Variants in WASHC5 observed in about 807,000 individuals in gnomAD.
WASHC5 encodes WASH complex subunit strumpellin.
WASHC5 carries 101 observed loss-of-function variants against 150.4 expected under a neutral mutation model. The ratio of observed to expected loss-of-function variants is 0.67; its 90% CI spans 0.57 to 0.79. WASHC5 has a LOEUF of 0.79. Among genes scored for constraint, WASHC5 ranks in the 30% least tolerant of loss-of-function variants. The probability of loss-of-function intolerance (pLI) is 0.00; values close to 1 mark genes in which losing one functional copy is unlikely to be tolerated. For synonymous variants in WASHC5, 467 were observed against 491.2 expected (o/e 0.95, Z 0.65); for missense variants, 1,195 against 1,396.3 (o/e 0.86, Z 2.30).
intron 12 of WASHC5, among the ~76,000 whole-genome samples, chr8:125,060,500 G>C (rs1013627553): frequency 6.8e-6 from 1 of 146,580 alleles, no homozygotes; most frequent in African/African-American, 2.6e-5. Flanking sequence ...AAAAAAAAAA[G>C]AGTTTATGAT....
intron 14 of WASHC5, among the ~76,000 whole-genome samples, chr8:125,058,915 T>G (rs1235290265): frequency 6.6e-6 from 1 of 152,126 alleles, no homozygotes; most frequent in African/African-American, 2.4e-5. Context: ...AATTCATGCC[T>G]AGGGAATAAA....
At position 125,083,969 on chromosome 8, in the gene WASHC5, ATAT is replaced by A. The variant is rs1817347925; in HGVS notation, c.-74_-72del. On this transcript the variant is annotated 5_prime_UTR_variant, in exon 2 of 29. Coordinates refer to ENST00000318410, the MANE Select transcript of WASHC5 (RefSeq NM_014846.4). ...AACTGGCCTCAGAGCTGGTGTCTGTATATTATTAGATGAAACCAGGTGTGCAGA... is the reference window on the plus strand; with the variant it reads ...AACTGGCCTCAGAGCTGGTGTCTGTATATTAGATGAAACCAGGTGTGCAGA... The A allele has an allele frequency of 1.4e-6, 2 of 1,398,410 alleles. No homozygotes were observed. Among genetic ancestry groups the A allele is most frequent in the Non-Finnish European group, 2.0e-6 (2 of 999,652 alleles). The allele number at this position is 1,398,410 out of a possible 1,614,324, so 86.6% of individuals were successfully genotyped here.
At chr8:125,043,569 C>A (rs1815958998) in intron 23 of WASHC5, among the ~76,000 whole-genome samples, 1 of 152,046 alleles carries the variant, frequency 6.6e-6, no homozygotes. Context: ...GCACCTCTAG[C>A]CAAAAGGCAT....
intron 17 of WASHC5, among the ~76,000 whole-genome samples, 172 bp downstream of exon 17, chr8:125,055,419 T>A (rs1197341527): frequency 3.3e-5 from 5 of 152,106 alleles, no homozygotes; most frequent in Admixed American, 3.3e-4. Context: ...AGAGAGAGAC[T>A]CTGTCTCAAA....
At chr8:125,060,763 T>C (rs996328393) in intron 12 of WASHC5, among the ~76,000 whole-genome samples, 1 of 152,184 alleles carries the variant, frequency 6.6e-6, no homozygotes, top group Non-Finnish European at 1.5e-5. Context: ...AAAAATGGTA[T>C]ACACATGCAA....
At chr8:125,047,152 T>C (rs1816091833) in intron 20 of WASHC5, 55 bp downstream of exon 20, 9 of 1,608,768 alleles carry the variant, frequency 5.6e-6, no homozygotes, top group Non-Finnish European at 7.7e-6. Flanking sequence ...GGGCCACAGA[T>C]GCAGATGAGA....
intron 27 of WASHC5, 56 bp from the exon 28 acceptor site, chr8:125,028,763 T>G (rs1044819411): frequency 8.1e-7 from 1 of 1,230,716 alleles, no homozygotes; most frequent in African/African-American, 1.5e-5. Flanking sequence ...TAAGCCCTTT[T>G]GGTCAGAATC....
At position 125,044,545 on chromosome 8, in the gene WASHC5, T is replaced by C; in HGVS notation, c.2658A>G (p.Lys886=). ...AAGTCAAAAGGCTCACCTGTAACTC[T>C]TTTACAATCATAAAGCACAGAAGCC... ...LDRLLCFMIV[K]ELQNFLSMFQ... Residue 886 remains lysine, a synonymous_variant, in exon 21 of 29, where the codon AAA becomes AAG. Transcript: ENST00000318410. The C allele has an allele frequency of 6.2e-7, 1 of 1,614,002 alleles. No homozygotes were observed. The highest frequency in any genetic ancestry group is 8.5e-7 in the Non-Finnish European group (1 of 1,179,854).
At chr8:125,059,739 G>A (rs76488656) in intron 12 of WASHC5, among the ~76,000 whole-genome samples, 197 bp from the exon 13 acceptor site, 156 of 152,224 alleles carry the variant, frequency 1.0e-3, no homozygotes, top group Non-Finnish European at 1.8e-3. Flanking sequence ...AAAATGTTCC[G>A]CTGCTTATTG....
In WASHC5 at chr8:125,044,680, G is replaced by A; in HGVS notation, c.2523C>T (p.Asp841=). The change falls in exon 21 of 29, where the codon GAC becomes GAT. Residue 841 remains aspartate (D), a synonymous_variant. Coordinates refer to ENST00000318410, the MANE Select transcript of WASHC5 (RefSeq NM_014846.4). ...ITDPKMTCHI[D]QLNTWYDMKT... ...TCATATCATACCAAGTGTTCAGCTGGTCTATGTGACATGTCATTCTAAAAT... is the reference window on the plus strand; with the variant it reads ...TCATATCATACCAAGTGTTCAGCTGATCTATGTGACATGTCATTCTAAAAT... The A allele has an allele frequency of 6.2e-7, 1 of 1,614,012 alleles. No individual in the cohort carries two copies. Among genetic ancestry groups the A allele is most frequent in the South Asian group, 1.1e-5 (1 of 91,078 alleles).
chr8:125,087,740 A>G (rs1393721533), intron 1 of WASHC5, among the ~76,000 whole-genome samples: 4 of 152,076 alleles, frequency 2.6e-5, no homozygotes, highest in African/African-American at 9.7e-5. Context: ...CAAAAAAAAA[A>G]AAAAAAAAAA....
Position 125,024,683 on chromosome 8 carries a change from TAAAG to T in WASHC5, c.3424-14_3424-11del. On this transcript the variant is annotated splice_polypyrimidine_tract_variant and intron_variant, in intron 28 of 28. Transcript: ENST00000318410. The stretch of plus-strand genomic sequence containing the variant: ...CATGTGCTTCAGCAACCTGAAAAAT[TAAAG>T]AATTAAATTATTCATGGTGTTATAG... 1 of 1,580,928 alleles carries T rather than the reference TAAAG, an allele frequency of 6.3e-7. No individual in the cohort carries two copies. The highest frequency in any genetic ancestry group is 8.7e-7 in the Non-Finnish European group (1 of 1,150,020).
In WASHC5 at chr8:125,074,982, C is replaced by G. The variant is rs372066585; in HGVS notation, c.978+16G>C. The G allele has an allele frequency of 1.8e-5, 26 of 1,457,198 alleles. No individual in the cohort carries two copies. Among genetic ancestry groups the G allele is most frequent in the Non-Finnish European group, 2.9e-6 (3 of 1,037,142 alleles). 90.3% of individuals were successfully genotyped at this position (1,457,198 alleles called of 1,614,324 possible). A position where few individuals can be genotyped will look rare whatever the true frequency, so the allele number is the denominator to read the frequency against. ...GGCCTGCAGTTATCAGAGAATGTCC[C>G]CAGATTAGAACCTACCTGTTCTCTG... On this transcript the variant is annotated intron_variant, in intron 8 of 28. Coordinates refer to ENST00000318410, the MANE Select transcript of WASHC5 (RefSeq NM_014846.4).
At chr8:125,077,075 T>C (rs1817085523) in intron 6 of WASHC5, among the ~76,000 whole-genome samples, 1 of 152,244 alleles carries the variant, frequency 6.6e-6, no homozygotes, top group Non-Finnish European at 1.5e-5. Flanking sequence ...CCTCATCTTC[T>C]GCCTTTTAAA....
At position 125,063,650 on chromosome 8, in the gene WASHC5, A is replaced by G; in HGVS notation, c.1280T>C (p.Met427Thr). Reference protein sequence around the residue: ...TAQFEFILKEMFKQMLSEKQT... With the variant: ...TAQFEFILKETFKQMLSEKQT... ...CTTTTCTGAAAGCATTTGCTTGAAC[A>G]TCTGTTGAAGCAACAGAAAATATTT... Residue 427 changes from methionine to threonine, a missense_variant and splice_region_variant, in exon 11 of 29, where the codon ATG (methionine) becomes ACG (threonine). Coordinates refer to ENST00000318410, the MANE Select transcript of WASHC5 (RefSeq NM_014846.4). 6.2e-7 allele frequency: 1 copy of G among 1,613,668 alleles called. No individual in the cohort carries two copies. Among genetic ancestry groups the G allele is most frequent in the Non-Finnish European group, 8.5e-7 (1 of 1,179,638 alleles).
At chr8:125,049,286 C>T (rs991587290) in intron 18 of WASHC5, 101 bp from the exon 19 acceptor site, 20 of 1,264,936 alleles carry the variant, frequency 1.6e-5, no homozygotes, top group African/African-American at 7.4e-5. Flanking sequence ...AGGCCAGATG[C>T]GGTGGCTCCC....
At chr8:125,046,976 ATGCT>A (rs1406131675) in intron 20 of WASHC5, among the ~76,000 whole-genome samples, 1 of 152,146 alleles carries the variant, frequency 6.6e-6, no homozygotes, top group African/African-American at 2.4e-5. Context: ...TCAGGTGGTA[ATGCT>A]TGCTTGCCCA....
rs1257388074 is a variant in WASHC5 at position 125,044,663 on chromosome 8, T to C, written c.2540A>G (p.Tyr847Cys). ...CACTTCCTGATGAGTTTTCATATCA[T>C]ACCAAGTGTTCAGCTGGTCTATGTG... ...TCHIDQLNTWYDMKTHQEVTS... is the reference protein window; with the variant it reads ...TCHIDQLNTWCDMKTHQEVTS... The change falls in exon 21 of 29, where the codon TAT becomes TGT. Residue 847 changes from tyrosine (Y) to cysteine (C), a missense_variant. Physicochemically the swap from Tyr to Cys is radical, Grantham distance 194. Around this residue, in one of 3 missense-constraint regions of WASHC5, gnomAD observed 997 missense variants for 1,168.1 expected, o/e 0.85. Coordinates refer to ENST00000318410, the MANE Select transcript of WASHC5 (RefSeq NM_014846.4). 4 of 1,613,990 alleles carry C rather than the reference T, an allele frequency of 2.5e-6. No individual in the cohort carries two copies. Among genetic ancestry groups the C allele is most frequent in the Admixed American group, 1.7e-5 (1 of 59,998 alleles).
Position 125,089,587 on chromosome 8 carries a change from G to C in WASHC5, c.-125+2028C>G, listed in dbSNP as rs144041461. Among the ~76,000 whole-genome samples, 54 of 152,306 alleles carry C rather than the reference G, an allele frequency of 3.5e-4. No homozygotes were observed. The East Asian group carries it at 8.1e-3, about 23-fold the overall frequency. Reference sequence around the variant, plus strand: ...ATGGCTACCCGATTTGGGATACCATGACAGGGCAACAATGTGGCCCTGGGA... The same window carrying C: ...ATGGCTACCCGATTTGGGATACCATCACAGGGCAACAATGTGGCCCTGGGA... On this transcript the variant is annotated intron_variant, in intron 1 of 28. Transcript: ENST00000318410.
Sources: allele counts gnomAD v4.1 joint callset (sites outside exome capture counted in the v4.1 genomes callset), GRCh38; gene constraint gnomAD v4.1.1; regional missense constraint gnomAD v4.1.1; transcripts MANE v1.5; gene names NCBI Gene and HGNC (gene_info 2026-07-23, HGNC 2026-07-21).